PRPSAP2: variants seen among roughly 807,000 people sequenced by gnomAD.
PRPSAP2 encodes phosphoribosyl pyrophosphate synthetase associated protein 2.
PRPSAP2 carries 24 observed loss-of-function variants against 40.6 expected under a neutral mutation model. The ratio of observed to expected loss-of-function variants is 0.59; its 90% CI spans 0.43 to 0.83. PRPSAP2 has a LOEUF of 0.83. PRPSAP2 is among the 40% of genes least tolerant of loss of function. The pLI is 0.00. For synonymous variants in PRPSAP2, 149 were observed against 164.7 expected, an observed-to-expected ratio of 0.90 and a Z score of 0.73; for missense variants, 292 against 465.6, an observed-to-expected ratio of 0.63 and a Z score of 3.43.
chr17:18,930,730 A>T lies in PRPSAP2; in HGVS notation c.*32A>T. ...CTTTAGGAAAACTCCCGAGGGCCAA[A>T]CTGGAAACATAAGAGTGACTGCTCG... On this transcript the variant is annotated 3_prime_UTR_variant, in exon 12 of 12. Transcript: ENST00000268835. 1 of 1,580,434 alleles carries T rather than the reference A, an allele frequency of 6.3e-7. No homozygotes were observed. Among genetic ancestry groups the T allele is most frequent in the South Asian group, 1.1e-5 (1 of 88,264 alleles).
At chr17:18,870,340 A>C (rs113363839) in intron 4 of PRPSAP2, among the ~76,000 whole-genome samples, 1,929 of 152,052 alleles carry the variant, frequency 0.013, 46 homozygotes, top group African/African-American at 0.045. Flanking sequence ...TCAAGACTGC[A>C]GTGAGCCATA....
intron 2 of PRPSAP2, 67 bp from the exon 3 acceptor site, chr17:18,865,734 TA>T (rs373939216): frequency 4.8e-5 from 50 of 1,052,330 alleles, no homozygotes; most frequent in Non-Finnish European, 4.9e-5. Context: ...TCATTTCCTT[TA>T]AAAAAAATTC....
chr17:18,858,458 T>A (rs2036758215), intron 1 of PRPSAP2, 197 bp downstream of exon 1: 1 of 152,426 alleles, frequency 6.6e-6, no homozygotes, highest in Non-Finnish European at 1.5e-5. Flanking sequence ...CTTCTTCCTC[T>A]CCCGCCAGGG....
At chr17:18,888,101 G>A (rs1282859281) in intron 7 of PRPSAP2, among the ~76,000 whole-genome samples, 23 of 41,306 alleles carry the variant, frequency 5.6e-4, no homozygotes, top group African/African-American at 2.4e-3. Flanking sequence ...ATCTTGCACC[G>A]CCCTTAATCC....
intron 7 of PRPSAP2, among the ~76,000 whole-genome samples, chr17:18,887,707 C>T (rs1252852635): frequency 1.3e-5 from 2 of 152,120 alleles, no homozygotes; most frequent in African/African-American, 4.8e-5. Context: ...TTGTCTTGAT[C>T]TTCCCTGGTT....
At chr17:18,912,797 A>T (rs2041044318) in intron 9 of PRPSAP2, among the ~76,000 whole-genome samples, 1 of 152,180 alleles carries the variant, frequency 6.6e-6, no homozygotes, top group Non-Finnish European at 1.5e-5. Flanking sequence ...CGTTTTGGGT[A>T]GCCAAGGTGG....
intron 11 of PRPSAP2, 123 bp downstream of exon 11, chr17:18,929,080 G>C: frequency 7.2e-7 from 1 of 1,396,238 alleles, no homozygotes; most frequent in Non-Finnish European, 9.6e-7. Context: ...TCAAGGGCTG[G>C]GTGCAGTGGT....
At chr17:18,927,778 T>A (rs1431960204) in intron 10 of PRPSAP2, among the ~76,000 whole-genome samples, 1 of 152,080 alleles carries the variant, frequency 6.6e-6, no homozygotes, top group Admixed American at 6.6e-5. Flanking sequence ...AGCGTGTGTG[T>A]GTGTGTATGT....
rs751584192 is a variant in PRPSAP2 at position 18,865,806 on chromosome 17, T to C, written c.-28T>C. On this transcript the variant is annotated 5_prime_UTR_variant, in exon 3 of 12. Coordinates refer to ENST00000268835, the MANE Select transcript of PRPSAP2 (RefSeq NM_002767.4). The stretch of plus-strand genomic sequence containing the variant: ...ATAAGTATTATATCCTTCTAGGCTC[T>C]GAAAATTGGAAAACCAAGAAGGTTT... 2.1e-6 allele frequency: 3 copies of C among 1,445,512 alleles called. No individual in the cohort carries two copies. Among genetic ancestry groups the C allele is most frequent in the Admixed American group, 4.1e-5 (2 of 48,212 alleles). The allele number at this position is 1,445,512 out of a possible 1,614,324, so 89.5% of individuals were successfully genotyped here.
intron 8 of PRPSAP2, among the ~76,000 whole-genome samples, chr17:18,892,001 TG>T (rs1248886223): frequency 1.3e-5 from 2 of 152,188 alleles, no homozygotes; most frequent in African/African-American, 4.8e-5. Flanking sequence ...GAATTACAGG[TG>T]CATGCTACCA....
chr17:18,890,677 C>G (rs2039488053), intron 8 of PRPSAP2, among the ~76,000 whole-genome samples: 1 of 152,184 alleles, frequency 6.6e-6, no homozygotes, highest in Non-Finnish European at 1.5e-5. Context: ...TTCCCCAGAC[C>G]CAGATTGACA....
chr17:18,892,029 G>A (rs2039576107), intron 8 of PRPSAP2, among the ~76,000 whole-genome samples: 1 of 152,158 alleles, frequency 6.6e-6, no homozygotes, highest in Non-Finnish European at 1.5e-5. Context: ...GGTAATTTTT[G>A]TATTTCTGGT....
rs3043879 is a variant in PRPSAP2 at position 18,892,688 on chromosome 17, AGTGT to A, written c.584+2848_584+2851del. Among the ~76,000 whole-genome samples, 215 of 75,396 alleles carry A rather than the reference AGTGT, an allele frequency of 2.9e-3. 3 individuals are homozygous for A. In the South Asian group the frequency reaches 0.031, roughly 11 times the overall value. The allele number at this position is 75,396 out of a possible 152,430, so 49.5% of individuals were successfully genotyped here. A position where few individuals can be genotyped will look rare whatever the true frequency, so the allele number is the denominator to read the frequency against. On this transcript the variant is annotated intron_variant, in intron 8 of 11. Coordinates refer to ENST00000268835, the MANE Select transcript of PRPSAP2 (RefSeq NM_002767.4). ...TCAATCCTTCTGCCTCAGCCTGTTG[AGTGT>A]GTGTGTGTGTGTGTGTGTGTGTGTG...
At chr17:18,907,068 A>C (rs2151947537) in intron 8 of PRPSAP2, among the ~76,000 whole-genome samples, 1 of 151,952 alleles carries the variant, frequency 6.6e-6, no homozygotes, top group South Asian at 2.1e-4. Context: ...TATAATCCTT[A>C]ATTTTTTGTT....
intron 9 of PRPSAP2, among the ~76,000 whole-genome samples, chr17:18,923,429 C>G: frequency 6.6e-6 from 1 of 152,064 alleles, no homozygotes; most frequent in East Asian, 1.9e-4. Flanking sequence ...TCAATTCCCT[C>G]TTTTGATTGT....
intron 8 of PRPSAP2, among the ~76,000 whole-genome samples, chr17:18,891,631 G>A (rs1156246598): frequency 6.6e-6 from 1 of 152,156 alleles, no homozygotes; most frequent in African/African-American, 2.4e-5. Context: ...GAATTCACTG[G>A]CATTTAGTGC....
chr17:18,865,841 G>A lies in PRPSAP2; in HGVS notation c.8G>A (p.Cys3Tyr), dbSNP rs755802625. 6 of 1,504,662 alleles carry A rather than the reference G, an allele frequency of 4.0e-6. No individual in the cohort carries two copies. The highest frequency in any genetic ancestry group is 3.5e-4 in the Middle Eastern group (2 of 5,640). The allele number at this position is 1,504,662 out of a possible 1,614,324, so 93.2% of individuals were successfully genotyped here. MFCVTPPELETKM... is the reference protein window; with the variant it reads MFYVTPPELETKM... ...AAAACCAAGAAGGTTTTGATGTTTT[G>A]TGTGACGCCACCTGAATTAGAAACC... The change falls in exon 3 of 12, where the codon TGT (cysteine) becomes TAT (tyrosine). Residue 3 changes from cysteine to tyrosine, a missense_variant. By Grantham distance (194) the Cys-to-Tyr change is radical. This residue lies in a region of PRPSAP2 where 51 missense variants were observed against 40.0 expected (regional missense o/e 1.28). Coordinates refer to ENST00000268835, the MANE Select transcript of PRPSAP2 (RefSeq NM_002767.4).
intron 3 of PRPSAP2, among the ~76,000 whole-genome samples, chr17:18,866,380 A>C (rs1046217429): frequency 6.6e-6 from 1 of 152,112 alleles, no homozygotes; most frequent in Non-Finnish European, 1.5e-5. Context: ...CTAGTTAACA[A>C]GGTGAAACCC....
chr17:18,903,320 A>C (rs1363933522), intron 8 of PRPSAP2, among the ~76,000 whole-genome samples: 1 of 151,602 alleles, frequency 6.6e-6, no homozygotes, highest in Non-Finnish European at 1.5e-5. Flanking sequence ...CAAATAAATA[A>C]ATGAATGAAT....
Sources: allele counts gnomAD v4.1 joint callset (sites outside exome capture counted in the v4.1 genomes callset), GRCh38; gene constraint gnomAD v4.1.1; regional missense constraint gnomAD v4.1.1; transcripts MANE v1.5; gene names NCBI Gene and HGNC (gene_info 2026-07-23, HGNC 2026-07-21).